NVL: variants seen among roughly 807,000 people sequenced by gnomAD.
The protein encoded by NVL is nuclear VCP like.
NVL carries 84 observed loss-of-function variants against 110.2 expected under a neutral mutation model. The observed-to-expected ratio is 0.76, with a 90% CI of 0.64 to 0.91. NVL has a LOEUF of 0.91. Among genes scored for constraint, NVL ranks in the 40% least tolerant of loss-of-function variants. The probability of loss-of-function intolerance (pLI) is 0.00; values close to 1 mark genes in which losing one functional copy is unlikely to be tolerated. For missense variants in NVL, 882 were observed against 1,035.9 expected, an observed-to-expected ratio of 0.85 and a Z score of 2.04; for synonymous variants, 354 against 361.1, an observed-to-expected ratio of 0.98 and a Z score of 0.22.
intron 14 of NVL, 72 bp from the exon 15 acceptor site, chr1:224,286,202 T>A: frequency 1.8e-6 from 2 of 1,097,516 alleles, no homozygotes; most frequent in East Asian, 4.9e-5. Flanking sequence ...TATTTCCAGA[T>A]ACATATTTTA....
intron 15 of NVL, among the ~76,000 whole-genome samples, chr1:224,282,070 A>ATT (rs571698440): frequency 0.023 from 3,244 of 142,196 alleles, 140 homozygotes; most frequent in African/African-American, 0.078. Flanking sequence ...TTTCACTTTA[A>ATT]TTTTTTTTTT....
At chr1:224,285,080 A>C (rs1258097018) in intron 15 of NVL, among the ~76,000 whole-genome samples, 2 of 152,228 alleles carry the variant, frequency 1.3e-5, no homozygotes, top group African/African-American at 4.8e-5. Context: ...GATGTGTATC[A>C]ATATATACTG....
chr1:224,255,182 G>T (rs1484592405), intron 18 of NVL, among the ~76,000 whole-genome samples: 10 of 96,706 alleles, frequency 1.0e-4, no homozygotes, highest in East Asian at 6.6e-4. Flanking sequence ...AATGGTGTAG[G>T]TTTTTTTTTT....
intron 19 of NVL, among the ~76,000 whole-genome samples, chr1:224,247,481 C>T (rs1661983641): frequency 6.6e-6 from 1 of 151,870 alleles, no homozygotes; most frequent in Non-Finnish European, 1.5e-5. Flanking sequence ...CCAGCCTGGC[C>T]AACGTGGTGA....
intron 19 of NVL, among the ~76,000 whole-genome samples, chr1:224,238,807 G>A: frequency 6.6e-6 from 1 of 152,174 alleles, no homozygotes; most frequent in East Asian, 1.9e-4. Flanking sequence ...GTCGGTGTGG[G>A]AATGTTCTAT....
chr1:224,248,364 G>T (rs1662094974), intron 19 of NVL, among the ~76,000 whole-genome samples: 1 of 151,900 alleles, frequency 6.6e-6, no homozygotes, highest in Admixed American at 6.6e-5. Context: ...GTTCTAACAT[G>T]CTTAATTTCA....
chr1:224,306,602 TG>T (rs1408936705), intron 6 of NVL, among the ~76,000 whole-genome samples: 4 of 151,878 alleles, frequency 2.6e-5, no homozygotes, highest in Non-Finnish European at 5.9e-5. Flanking sequence ...CAGGCTGAGG[TG>T]GGTGGATCAC....
chr1:224,235,125 T>C (rs1044886964), intron 20 of NVL, among the ~76,000 whole-genome samples: 2 of 152,070 alleles, frequency 1.3e-5, no homozygotes, highest in Non-Finnish European at 2.9e-5. Context: ...ACTACTCAAG[T>C]AGTAGTCTCC....
intron 21 of NVL, among the ~76,000 whole-genome samples, chr1:224,231,749 G>A (rs958592737): frequency 1.3e-5 from 2 of 152,088 alleles, no homozygotes; most frequent in Non-Finnish European, 1.5e-5. Context: ...GCTTTAGGTC[G>A]GGCGCGGTGG....
intron 12 of NVL, among the ~76,000 whole-genome samples, chr1:224,292,987 T>A (rs549352129): frequency 1.3e-5 from 2 of 151,904 alleles, no homozygotes; most frequent in Admixed American, 1.3e-4. Context: ...ACTCCTAACC[T>A]CAAGTGATGC....
intron 4 of NVL, among the ~76,000 whole-genome samples, chr1:224,315,723 A>G (rs2102758517): frequency 6.6e-6 from 1 of 152,366 alleles, no homozygotes; most frequent in Middle Eastern, 3.4e-3. Context: ...AATCTTAGAT[A>G]TTTAACAAGG....
chr1:224,262,002 C>A (rs1664041461), intron 18 of NVL, among the ~76,000 whole-genome samples: 1 of 151,920 alleles, frequency 6.6e-6, no homozygotes, highest in Non-Finnish European at 1.5e-5. Context: ...AGAGGGCTGT[C>A]CCAGTTCTTC....
intron 18 of NVL, among the ~76,000 whole-genome samples, chr1:224,267,263 G>C (rs1409629410): frequency 6.6e-6 from 1 of 152,190 alleles, no homozygotes; most frequent in Non-Finnish European, 1.5e-5. Flanking sequence ...GGCAGATATA[G>C]GGGCATGGCT....
At chr1:224,233,775 C>CA (rs968231930) in intron 20 of NVL, among the ~76,000 whole-genome samples, 13 of 149,160 alleles carry the variant, frequency 8.7e-5, no homozygotes, top group South Asian at 2.1e-4. Context: ...AAAACAAAAA[C>CA]AAAAAAAAAC....
At chr1:224,277,122 C>G (rs1231341479) in intron 16 of NVL, among the ~76,000 whole-genome samples, 1 of 151,904 alleles carries the variant, frequency 6.6e-6, no homozygotes, top group Non-Finnish European at 1.5e-5. Context: ...TATTACAAAG[C>G]CCTTGGAAAG....
At chr1:224,230,948 A>G (rs887651674) in intron 22 of NVL, among the ~76,000 whole-genome samples, 4 of 152,036 alleles carry the variant, frequency 2.6e-5, no homozygotes, top group Non-Finnish European at 4.4e-5. Flanking sequence ...CCTGGCTAAC[A>G]TGGTGAAACC....
chr1:224,326,374 A>C lies in NVL; in HGVS notation c.131+17T>G, dbSNP rs200955302. 1.3e-6 allele frequency: 2 copies of C among 1,571,188 alleles called. No individual in the cohort carries two copies. Among genetic ancestry groups the C allele is most frequent in the Middle Eastern group, 1.7e-4 (1 of 5,952 alleles). ...GAGACATAAAAATCCAAGGATCCGG[A>C]AACTATATTTATTTACCTGTACACT... On this transcript the variant is annotated intron_variant, in intron 2 of 22. Coordinates refer to ENST00000281701, the MANE Select transcript of NVL (RefSeq NM_002533.4).
intron 20 of NVL, among the ~76,000 whole-genome samples, chr1:224,235,332 T>C (rs1157351263): frequency 1.3e-5 from 2 of 152,098 alleles, no homozygotes; most frequent in Non-Finnish European, 2.9e-5. Flanking sequence ...CATGCCCGGC[T>C]AATTTTTGTA....
chr1:224,278,226 C>CTTTTTT (rs931102981), intron 16 of NVL, among the ~76,000 whole-genome samples: 5 of 111,128 alleles, frequency 4.5e-5, no homozygotes, highest in African/African-American at 3.7e-5. Context: ...ATCATCTAAT[C>CTTTTTT]TTTTTTTTTT....
Sources: allele counts gnomAD v4.1 joint callset (sites outside exome capture counted in the v4.1 genomes callset), GRCh38; gene constraint gnomAD v4.1.1; transcripts MANE v1.5; gene names NCBI Gene and HGNC (gene_info 2026-07-23, HGNC 2026-07-21).